The following RAD51B variants were observed in gnomAD, a reference collection of about 807,000 sequenced individuals.
RAD51B encodes RAD51 paralog B.
In RAD51B, 38 loss-of-function variants were observed where a neutral mutation model predicts 42.2. That is an observed-to-expected ratio of 0.90 (90% CI 0.70 to 1.18). The LOEUF is 1.18. RAD51B is among the 50% of genes most tolerant of loss of function. RAD51B has a pLI of 0.00. For synonymous variants in RAD51B, 154 were observed against 145.2 expected (o/e 1.06, Z -0.43); for missense variants, 373 against 400.7 (o/e 0.93, Z 0.59).
At chr14:68,673,495 TAC>T (rs902869844) in intron 11 of RAD51B, among the ~76,000 whole-genome samples, 5 of 147,890 alleles carry the variant, frequency 3.4e-5, no homozygotes, top group Admixed American at 6.7e-5. Flanking sequence ...GCACATACTG[TAC>T]ACACATGTAT....
intron 8 of RAD51B, among the ~76,000 whole-genome samples, chr14:68,332,726 G>GA (rs1447990363): frequency 1.3e-5 from 2 of 150,598 alleles, no homozygotes; most frequent in Non-Finnish European, 3.0e-5. Context: ...TTTCCCTGAA[G>GA]AAAAAAACTG....
At chr14:68,159,931 A>G (rs1444760922) in intron 7 of RAD51B, among the ~76,000 whole-genome samples, 1 of 152,104 alleles carries the variant, frequency 6.6e-6, no homozygotes, top group African/African-American at 2.4e-5. Flanking sequence ...AATTATTTCA[A>G]TTTTTAGAGA....
At chr14:68,109,232 TAA>T (rs2077423779) in intron 7 of RAD51B, among the ~76,000 whole-genome samples, 1 of 152,000 alleles carries the variant, frequency 6.6e-6, no homozygotes, top group African/African-American at 2.4e-5. Context: ...GGCCAGAGCG[TAA>T]GAGTCTTGGG....
At chr14:68,339,736 G>T (rs2082533836) in intron 8 of RAD51B, among the ~76,000 whole-genome samples, 1 of 152,110 alleles carries the variant, frequency 6.6e-6, no homozygotes, top group African/African-American at 2.4e-5. Context: ...TCTAAGCCTA[G>T]TTCTTCCTCT....
intron 7 of RAD51B, among the ~76,000 whole-genome samples, chr14:67,900,082 T>A (rs2043558457): frequency 1.3e-5 from 2 of 152,262 alleles, no homozygotes; most frequent in Non-Finnish European, 2.9e-5. Flanking sequence ...TGCTTTATGC[T>A]TTGATTGCTG....
chr14:68,012,432 T>TTATA (rs150491903), intron 7 of RAD51B, among the ~76,000 whole-genome samples: 26 of 150,972 alleles, frequency 1.7e-4, no homozygotes, highest in South Asian at 4.2e-4. Flanking sequence ...ACAAAGAATT[T>TTATA]TATATATATA....
chr14:68,023,581 T>A (rs192059619), intron 7 of RAD51B, among the ~76,000 whole-genome samples: 1 of 152,250 alleles, frequency 6.6e-6, no homozygotes, highest in Non-Finnish European at 1.5e-5. Context: ...CCTGCCTCTG[T>A]CTCTCAAAGT....
chr14:68,542,056 A>G (rs573076216), intron 10 of RAD51B, among the ~76,000 whole-genome samples: 1 of 152,322 alleles, frequency 6.6e-6, no homozygotes, highest in African/African-American at 2.4e-5. Context: ...AACATATACA[A>G]AAGTAATTTT....
chr14:67,886,673 C>T (rs1476913595), intron 6 of RAD51B: 1 of 243,182 alleles, frequency 4.1e-6, no homozygotes, highest in Non-Finnish European at 8.0e-6. Flanking sequence ...CAGATCAAGT[C>T]TGGCACACTG....
intron 4 of RAD51B, among the ~76,000 whole-genome samples, chr14:67,862,745 A>G (rs1280096395): frequency 6.6e-6 from 1 of 152,108 alleles, no homozygotes; most frequent in East Asian, 1.9e-4. Flanking sequence ...TTTTAAAGAT[A>G]CAATTTGGCT....
intron 10 of RAD51B, among the ~76,000 whole-genome samples, chr14:68,493,895 T>C (rs1884285556): frequency 6.6e-6 from 1 of 152,226 alleles, no homozygotes; most frequent in Admixed American, 6.5e-5. Context: ...GCCTTTAGAA[T>C]TGGATTCTTT....
intron 10 of RAD51B, among the ~76,000 whole-genome samples, chr14:68,538,181 GTC>G (rs1288008336): frequency 6.6e-6 from 1 of 152,194 alleles, no homozygotes; most frequent in Admixed American, 6.5e-5. Flanking sequence ...ATGTCACCAA[GTC>G]CATTTGAGTC....
chr14:68,437,706 T>C (rs1015367986), intron 9 of RAD51B, among the ~76,000 whole-genome samples: 1 of 152,180 alleles, frequency 6.6e-6, no homozygotes, highest in African/African-American at 2.4e-5. Flanking sequence ...GCCATAGTAG[T>C]AGAGGAGAAT....
chr14:68,357,471 C>T (rs1251472129), intron 8 of RAD51B, among the ~76,000 whole-genome samples: 3 of 151,866 alleles, frequency 2.0e-5, no homozygotes, highest in South Asian at 2.1e-4. Flanking sequence ...CTATGAATCA[C>T]GAATCTTCTG....
chr14:68,458,161 T>G (rs1218955474), intron 9 of RAD51B, among the ~76,000 whole-genome samples: 1 of 152,146 alleles, frequency 6.6e-6, no homozygotes, highest in East Asian at 1.9e-4. Flanking sequence ...TAAAATTATT[T>G]TGGTCTTTTT....
intron 10 of RAD51B, among the ~76,000 whole-genome samples, chr14:68,515,778 C>CTTTTTT (rs546071661): frequency 2.3e-4 from 26 of 113,382 alleles, no homozygotes; most frequent in East Asian, 7.4e-4. Flanking sequence ...CTTTTCTTTT[C>CTTTTTT]TTTTTTTTTT....
At position 67,904,153 on chromosome 14, in the gene RAD51B, C is replaced by T. The variant is rs144088161; in HGVS notation, c.756+16949C>T. On this transcript the variant is annotated intron_variant, in intron 7 of 10. Transcript: ENST00000471583. ...ACCACATTTTCTTTATCTCGTTCAC[C>T]GTTAGTGGGCATTTAGGTTGATTCC... Among the ~76,000 whole-genome samples the T allele has an allele frequency of 5.9e-4, 90 of 152,084 alleles. 1 individual carries two copies. The highest frequency in any genetic ancestry group is 2.5e-3 in the South Asian group (12 of 4,814).
intron 7 of RAD51B, among the ~76,000 whole-genome samples, chr14:68,231,647 A>T (rs1320372594): frequency 6.6e-6 from 1 of 152,216 alleles, no homozygotes; most frequent in Admixed American, 6.5e-5. Flanking sequence ...AAGAATTCTC[A>T]CAGTGAAGGT....
chr14:68,188,817 G>A (rs996944494), intron 7 of RAD51B, among the ~76,000 whole-genome samples: 24 of 152,036 alleles, frequency 1.6e-4, no homozygotes, highest in Admixed American at 3.9e-4. Context: ...ATTTTCTTGG[G>A]TCACCTCTCT....
Sources: allele counts gnomAD v4.1 joint callset (sites outside exome capture counted in the v4.1 genomes callset), GRCh38; gene constraint gnomAD v4.1.1; transcripts MANE v1.5; gene names NCBI Gene and HGNC (gene_info 2026-07-23, HGNC 2026-07-21).